The following PTPRN2 variants were observed in gnomAD, a reference collection of about 807,000 sequenced individuals.
PTPRN2 encodes protein tyrosine phosphatase receptor type N2.
PTPRN2 carries 74 observed loss-of-function variants against 118.8 expected under a neutral mutation model. The ratio of observed to expected loss-of-function variants is 0.62; its 90% CI spans 0.52 to 0.76. The LOEUF (loss-of-function observed/expected upper bound fraction) is 0.76, where lower values mean the gene tolerates loss of function less well. Ranked by LOEUF, PTPRN2 falls within the 30% of genes least tolerant of loss-of-function variation. The pLI is 0.00. For synonymous variants in PTPRN2, 641 were observed against 608.0 expected, an observed-to-expected ratio of 1.05 and a Z score of -0.80; for missense variants, 1,481 against 1,394.4, an observed-to-expected ratio of 1.06 and a Z score of -0.99.
intron 2 of PTPRN2, among the ~76,000 whole-genome samples, chr7:158,413,214 C>T (rs1337792420): frequency 1.3e-5 from 2 of 152,210 alleles, no homozygotes; most frequent in Non-Finnish European, 2.9e-5. Flanking sequence ...TCCAGACCCA[C>T]AAGAAAATCC....
intron 3 of PTPRN2, among the ~76,000 whole-genome samples, chr7:158,253,781 T>C (rs1039412478): frequency 1.3e-5 from 2 of 152,208 alleles, no homozygotes; most frequent in South Asian, 4.1e-4. Flanking sequence ...ATAACTCTTT[T>C]TAAGAGCAGG....
rs961159067 is a variant in PTPRN2 at position 157,785,940 on chromosome 7, G to A, written c.1789-103003C>T. Reference sequence around the variant, plus strand: ...ACCTGGGTAGCAGGGTGGGAGGGCCGGGTGGGGATGGCTGCAGGGACCCCC... The same window carrying A: ...ACCTGGGTAGCAGGGTGGGAGGGCCAGGTGGGGATGGCTGCAGGGACCCCC... On this transcript the variant is annotated intron_variant, in intron 12 of 22. Transcript: ENST00000389418. This position sits in a 1 kb window ranked among gnomAD's most constrained non-coding sequence, Gnocchi z 7.3. Among the ~76,000 whole-genome samples the A allele has an allele frequency of 1.3e-5, 2 of 152,120 alleles. No individual in the cohort carries two copies. Among genetic ancestry groups the A allele is most frequent in the Admixed American group, 6.5e-5 (1 of 15,278 alleles).
chr7:158,239,494 G>A (rs1402240627), intron 3 of PTPRN2, among the ~76,000 whole-genome samples: 1 of 152,150 alleles, frequency 6.6e-6, no homozygotes, highest in Non-Finnish European at 1.5e-5. Flanking sequence ...CCGTCAGAAG[G>A]TTCCAGAGGG....
intron 3 of PTPRN2, among the ~76,000 whole-genome samples, chr7:158,209,399 G>A (rs1827416436): frequency 6.6e-6 from 1 of 152,184 alleles, no homozygotes; most frequent in South Asian, 2.1e-4. Flanking sequence ...AGCAAGAGTA[G>A]CAGTACTTGT....
chr7:157,702,768 G>T (rs753445661), intron 12 of PTPRN2, among the ~76,000 whole-genome samples: 1 of 152,220 alleles, frequency 6.6e-6, no homozygotes, highest in African/African-American at 2.4e-5. Flanking sequence ...AGAAAAGTGC[G>T]TGTGTGCCAT....
At chr7:158,261,950 G>A (rs1797429890) in intron 3 of PTPRN2, among the ~76,000 whole-genome samples, 1 of 152,230 alleles carries the variant, frequency 6.6e-6, no homozygotes, top group Admixed American at 6.5e-5. Flanking sequence ...AGCCCGTGGT[G>A]GCTGCGCCGT....
At chr7:157,783,783 C>T (rs914753275) in intron 12 of PTPRN2, among the ~76,000 whole-genome samples, 1 of 152,000 alleles carries the variant, frequency 6.6e-6, no homozygotes, top group Non-Finnish European at 1.5e-5. Context: ...TCGTATGACC[C>T]TACTTTTGAG....
In PTPRN2 at chr7:158,501,282, G is replaced by A. The variant is rs892642524; in HGVS notation, c.113-11497C>T. ...TAAGTTATCCTCAGACCCTCTCCCC[G>A]CCCGGGGCTACAGCCAAGCAAACAG... On this transcript the variant is annotated intron_variant, in intron 1 of 22. Coordinates refer to ENST00000389418, the MANE Select transcript of PTPRN2 (RefSeq NM_002847.5). Among the ~76,000 whole-genome samples, 5 of 152,178 alleles carry A rather than the reference G, an allele frequency of 3.3e-5. No individual in the cohort carries two copies. The East Asian group carries it at 7.7e-4, about 24-fold the overall frequency.
chr7:157,945,229 A>C (rs1800397772), intron 11 of PTPRN2, among the ~76,000 whole-genome samples: 1 of 152,044 alleles, frequency 6.6e-6, no homozygotes, highest in South Asian at 2.1e-4. Flanking sequence ...TGACCTCATG[A>C]GCCCTCATGG....
chr7:158,053,203 G>T (rs1809469728), intron 11 of PTPRN2, among the ~76,000 whole-genome samples: 1 of 152,224 alleles, frequency 6.6e-6, no homozygotes, highest in Non-Finnish European at 1.5e-5. Context: ...GAATTTCTGA[G>T]TGTGCCTTCA....
At chr7:157,672,330 A>G (rs575514535) in intron 13 of PTPRN2, among the ~76,000 whole-genome samples, 8 of 152,246 alleles carry the variant, frequency 5.3e-5, no homozygotes, top group African/African-American at 1.9e-4. Context: ...GGCTCACTTA[A>G]CAATTTGTAT....
At chr7:158,326,564 A>G (rs1430100483) in intron 2 of PTPRN2, among the ~76,000 whole-genome samples, 2 of 152,248 alleles carry the variant, frequency 1.3e-5, no homozygotes, top group Non-Finnish European at 2.9e-5. Context: ...ATGCATGCAC[A>G]TTCTCACATA....
chr7:158,176,026 C>T (rs560058042), intron 5 of PTPRN2, among the ~76,000 whole-genome samples: 8 of 151,882 alleles, frequency 5.3e-5, no homozygotes, highest in East Asian at 2.0e-4. Flanking sequence ...CGCCCTGCTC[C>T]GAGACTCGCA....
intron 14 of PTPRN2, among the ~76,000 whole-genome samples, chr7:157,640,838 G>C (rs1041256199): frequency 1.3e-5 from 2 of 152,180 alleles, no homozygotes; most frequent in African/African-American, 4.8e-5. Context: ...CAAGTGTGAG[G>C]ATCAAAGACA....
chr7:158,249,338 C>T (rs1056430527), intron 3 of PTPRN2, among the ~76,000 whole-genome samples: 2 of 149,686 alleles, frequency 1.3e-5, no homozygotes, highest in Admixed American at 6.6e-5. Context: ...ACCCTGCATG[C>T]ACACACATCA....
intron 6 of PTPRN2, among the ~76,000 whole-genome samples, chr7:158,146,693 C>T (rs1449352440): frequency 6.1e-5 from 9 of 147,392 alleles, no homozygotes; most frequent in Admixed American, 6.1e-4. Flanking sequence ...TGCACTCCAG[C>T]CTGGGCGACA....
At chr7:158,524,228 T>C (rs374876587) in intron 1 of PTPRN2, among the ~76,000 whole-genome samples, 3 of 39,108 alleles carry the variant, frequency 7.7e-5, no homozygotes, top group East Asian at 1.2e-3. Flanking sequence ...TACCCTGGAG[T>C]GGAGTCTGCC....
At chr7:158,082,892 G>C (rs759187607) in intron 10 of PTPRN2, among the ~76,000 whole-genome samples, 14 of 152,150 alleles carry the variant, frequency 9.2e-5, no homozygotes, top group Non-Finnish European at 1.6e-4. Flanking sequence ...GTGTCTTCTC[G>C]AGCCCAGGCC....
chr7:158,289,976 T>C (rs1800007843), intron 3 of PTPRN2, among the ~76,000 whole-genome samples: 1 of 152,150 alleles, frequency 6.6e-6, no homozygotes, highest in Non-Finnish European at 1.5e-5. Flanking sequence ...AGTGGACCTG[T>C]TGATTGAGTC....
Sources: gnomAD v4.1 joint callset for allele counts (sites outside exome capture counted in the v4.1 genomes callset) on GRCh38, gnomAD v4.1.1 for gene constraint, Gnocchi (gnomAD v3.1) non-coding constraint, MANE v1.5 for transcripts, NCBI Gene and HGNC (gene_info 2026-07-23, HGNC 2026-07-21) for gene names.